Variants in ADAMTSL1 observed in about 807,000 individuals in gnomAD.
ADAMTSL1 encodes the protein ADAMTS-like protein 1.
ADAMTSL1 carries 126 observed loss-of-function variants against 201.8 expected under a neutral mutation model. The ratio of observed to expected loss-of-function variants is 0.62; its 90% confidence interval spans 0.54 to 0.72. The LOEUF is 0.72. Among genes scored for constraint, ADAMTSL1 ranks in the 30% least tolerant of loss-of-function variants. The pLI is 0.00. For synonymous variants in ADAMTSL1, 1,121 were observed against 903.4 expected (o/e 1.24, Z -4.32); for missense variants, 2,679 against 2,277.8 (o/e 1.18, Z -3.59).
chr9:18,258,003 T>C (rs1280129745), intron 2 of ADAMTSL1, among the ~76,000 whole-genome samples: 4 of 152,190 alleles, frequency 2.6e-5, no homozygotes, highest in Admixed American at 2.6e-4. Flanking sequence ...ACAGAATTTC[T>C]GTTTGGGATG....
intron 1 of ADAMTSL1, among the ~76,000 whole-genome samples, chr9:18,153,937 A>C (rs181417927): frequency 6.6e-6 from 1 of 152,168 alleles, no homozygotes; most frequent in Admixed American, 6.5e-5. Context: ...TCTACCCTAA[A>C]GGCAAAAGTA....
At chr9:18,625,539 A>G (rs1180421206) in intron 5 of ADAMTSL1, among the ~76,000 whole-genome samples, 2 of 152,326 alleles carry the variant, frequency 1.3e-5, no homozygotes, top group South Asian at 2.1e-4. Flanking sequence ...ACCCACTGGT[A>G]GCACTCAGCC....
chr9:18,141,624 G>A (rs1009604090), intron 1 of ADAMTSL1, among the ~76,000 whole-genome samples: 3 of 152,140 alleles, frequency 2.0e-5, no homozygotes, highest in South Asian at 2.1e-4. Context: ...CCATCACAAG[G>A]TTGGTGGCCT....
intron 20 of ADAMTSL1, among the ~76,000 whole-genome samples, chr9:18,809,366 G>C (rs978419260): frequency 6.6e-6 from 1 of 152,220 alleles, no homozygotes; most frequent in African/African-American, 2.4e-5. Flanking sequence ...GGCCAGGGCT[G>C]ATGTGCTGCT....
intron 1 of ADAMTSL1, among the ~76,000 whole-genome samples, chr9:17,956,316 C>A (rs1827930314): frequency 6.6e-6 from 1 of 152,000 alleles, no homozygotes; most frequent in African/African-American, 2.4e-5. Flanking sequence ...GAATTTTGAT[C>A]TTTTCTGTTT....
intron 23 of ADAMTSL1, among the ~76,000 whole-genome samples, chr9:18,846,475 G>A (rs1018827545): frequency 3.3e-5 from 5 of 152,180 alleles, no homozygotes; most frequent in African/African-American, 9.7e-5. Context: ...TTGGTCAGAG[G>A]TAAGGGGGAG....
intron 4 of ADAMTSL1, among the ~76,000 whole-genome samples, chr9:18,618,395 G>A (rs1419775490): frequency 6.6e-6 from 1 of 152,022 alleles, no homozygotes; most frequent in East Asian, 1.9e-4. Flanking sequence ...TCAAATGTCT[G>A]ATACTGGGCT....
chr9:18,185,951 A>G (rs951701756), intron 2 of ADAMTSL1, among the ~76,000 whole-genome samples: 5 of 152,216 alleles, frequency 3.3e-5, no homozygotes, highest in African/African-American at 9.6e-5. Context: ...TCTAGGATTA[A>G]ATGAAGGCAT....
chr9:18,756,216 T>C (rs980153869), intron 16 of ADAMTSL1, among the ~76,000 whole-genome samples: 1 of 129,340 alleles, frequency 7.7e-6, no homozygotes, highest in Non-Finnish European at 1.6e-5. Context: ...GAGGCAGAGG[T>C]TGCAGTGAGC....
At position 18,474,153 on chromosome 9, in the gene ADAMTSL1, A is replaced by T; in HGVS notation, c.-80A>T. 1 of 1,271,424 alleles carries T rather than the reference A, an allele frequency of 7.9e-7. No individual in the cohort carries two copies. Among genetic ancestry groups the T allele is most frequent in the Non-Finnish European group, 1.1e-6 (1 of 888,254 alleles). The allele number at this position is 1,271,424 out of a possible 1,614,324, so 78.8% of individuals were successfully genotyped here. A position where few individuals can be genotyped will look rare whatever the true frequency, so the allele number is the denominator to read the frequency against. ...TAGGCAGGACTGGAGTGTTAGCACC[A>T]GTACTGGATGTGACAGCAGGCAGAG... On this transcript the variant is annotated 5_prime_UTR_variant, in exon 1 of 29. Transcript: ENST00000380548.
intron 3 of ADAMTSL1, 57 bp downstream of exon 3, chr9:18,533,349 T>C (rs1819558180): frequency 3.4e-6 from 5 of 1,476,718 alleles, no homozygotes; most frequent in South Asian, 1.3e-5. Flanking sequence ...TGAATGGTGC[T>C]AAGCAGTTTT....
chr9:18,314,134 T>A (rs1374795644), intron 2 of ADAMTSL1, among the ~76,000 whole-genome samples: 4 of 152,138 alleles, frequency 2.6e-5, no homozygotes, highest in Non-Finnish European at 5.9e-5. Context: ...CAGTGAGATA[T>A]CATCTCACAT....
At chr9:18,296,304 G>A (rs1312841274) in intron 2 of ADAMTSL1, among the ~76,000 whole-genome samples, 1 of 152,118 alleles carries the variant, frequency 6.6e-6, no homozygotes, top group South Asian at 2.1e-4. Context: ...ATTAGATTCT[G>A]CCTCAAATTG....
chr9:18,588,917 A>T (rs568397143), intron 4 of ADAMTSL1, among the ~76,000 whole-genome samples: 5 of 142,362 alleles, frequency 3.5e-5, no homozygotes, highest in South Asian at 2.2e-4. Context: ...ATATATACAC[A>T]TTTTTTTTTT....
rs1563889883 is a variant in ADAMTSL1, at chr9:18,887,823, CCTT to C, written c.4250-5_4250-3del. The C allele has an allele frequency of 1.2e-6, 2 of 1,612,364 alleles. No individual in the cohort carries two copies. The highest frequency in any genetic ancestry group is 1.7e-6 in the Non-Finnish European group (2 of 1,178,990). On this transcript the variant is annotated splice_region_variant and splice_polypyrimidine_tract_variant and intron_variant, in intron 23 of 28. Transcript: ENST00000380548. ...TACTAAGGCTTACTTCTTTTCCTCT[CCTT>C]CTAGGCTGCCCCATCAAAGGTCACC...
chr9:18,262,515 C>T (rs1326265959), intron 2 of ADAMTSL1, among the ~76,000 whole-genome samples: 1 of 152,086 alleles, frequency 6.6e-6, no homozygotes, highest in East Asian at 1.9e-4. Flanking sequence ...GATAGAGTAC[C>T]ACTGAGCTTC....
At chr9:18,330,464 A>C (rs1050812072) in intron 2 of ADAMTSL1, among the ~76,000 whole-genome samples, 4 of 151,944 alleles carry the variant, frequency 2.6e-5, no homozygotes, top group African/African-American at 4.8e-5. Flanking sequence ...AAAAAAAAAA[A>C]CTAAAATCTC....
intron 1 of ADAMTSL1, among the ~76,000 whole-genome samples, chr9:18,035,431 G>A (rs1482808244): frequency 6.6e-6 from 1 of 152,180 alleles, no homozygotes; most frequent in East Asian, 1.9e-4. Flanking sequence ...ATGGTGAGGA[G>A]ATATGAGGAA....
At chr9:18,462,917 C>T (rs779335431) in intron 2 of ADAMTSL1, among the ~76,000 whole-genome samples, 14 of 150,622 alleles carry the variant, frequency 9.3e-5, no homozygotes, top group Admixed American at 1.3e-4. Context: ...CCAGCCTGGG[C>T]GACAGAGTGA....
Sources: allele counts gnomAD v4.1 joint callset (sites outside exome capture counted in the v4.1 genomes callset), GRCh38; gene constraint gnomAD v4.1.1; transcripts MANE v1.5; gene names NCBI Gene and HGNC (gene_info 2026-07-23, HGNC 2026-07-21).